Variants in STXBP5 observed in about 807,000 individuals in gnomAD.
STXBP5 encodes syntaxin binding protein 5, also known as syntaxin-binding protein 5.
Under a neutral mutation model 152.4 loss-of-function variants are expected in STXBP5, and 50 were observed. That is an observed-to-expected ratio of 0.33 (90% confidence interval 0.26 to 0.42). STXBP5 has a LOEUF of 0.42. Ranked by LOEUF, STXBP5 falls within the 10% of genes least tolerant of loss-of-function variation. The pLI, the probability that STXBP5 is intolerant of heterozygous loss-of-function variation, is 1.00. For synonymous variants in STXBP5, 492 were observed against 494.7 expected (o/e 0.99, Z 0.07); for missense variants, 1,167 against 1,388.6 (o/e 0.84, Z 2.54).
Position 147,278,082 on chromosome 6 carries a change from C to G in STXBP5, c.716C>G (p.Ala239Gly). The G allele has an allele frequency of 1.2e-6, 2 of 1,611,092 alleles. No homozygotes were observed. The highest frequency in any genetic ancestry group is 1.7e-6 in the Non-Finnish European group (2 of 1,177,978). ...ATGGTATTTTTCATCCTTCTATAGGCTATCCACTCTGTTGCTTGGCATCAT... is the reference window on the plus strand; with the variant it reads ...ATGGTATTTTTCATCCTTCTATAGGGTATCCACTCTGTTGCTTGGCATCAT... ...KADYRYTYDE[A>G]IHSVAWHHEG... Residue 239 changes from alanine to glycine, a missense_variant and splice_region_variant, in exon 8 of 28, where the codon GCT (alanine) becomes GGT (glycine). This residue lies in a region of STXBP5 where 310 missense variants were observed against 346.1 expected (regional missense o/e 0.90). Coordinates refer to ENST00000321680, the MANE Select transcript of STXBP5 (RefSeq NM_001127715.4).
At chr6:147,375,639 A>G (rs1030382545) in intron 26 of STXBP5, among the ~76,000 whole-genome samples, 1 of 150,686 alleles carries the variant, frequency 6.6e-6, no homozygotes, top group Non-Finnish European at 1.5e-5. Context: ...ATAAATATAT[A>G]TATAAAGAAA....
intron 3 of STXBP5, among the ~76,000 whole-genome samples, chr6:147,237,050 G>A (rs1778313010): frequency 6.6e-6 from 1 of 151,930 alleles, no homozygotes; most frequent in Non-Finnish European, 1.5e-5. Context: ...TGTTGGGATT[G>A]TAGGTGTGAG....
rs1786350922 is a variant in STXBP5 at position 147,386,608 on chromosome 6, AT to A, written c.*1854del. The A allele has an allele frequency of 6.6e-6, 1 of 151,868 alleles. No individual in the cohort carries two copies. Among genetic ancestry groups the A allele is most frequent in the African/African-American group, 2.4e-5 (1 of 41,432 alleles). 9.4% of individuals were successfully genotyped at this position (151,868 alleles called of 1,614,324 possible). On this transcript the variant is annotated 3_prime_UTR_variant, in exon 28 of 28. Coordinates refer to ENST00000321680, the MANE Select transcript of STXBP5 (RefSeq NM_001127715.4). ...TTTATAGAAAGCACCAATGAATAACATATTTCTGTTTCGTTAATGTCAGCTG... is the reference window on the plus strand; with the variant it reads ...TTTATAGAAAGCACCAATGAATAACAATTTCTGTTTCGTTAATGTCAGCTG...
chr6:147,377,232 AC>A (rs1194852325), intron 26 of STXBP5, among the ~76,000 whole-genome samples: 1 of 152,194 alleles, frequency 6.6e-6, no homozygotes, highest in African/African-American at 2.4e-5. Flanking sequence ...AAATATACTT[AC>A]CTTTGGATAA....
intron 2 of STXBP5, among the ~76,000 whole-genome samples, chr6:147,214,737 T>C (rs1293258362): frequency 3.3e-5 from 5 of 152,218 alleles, no homozygotes; most frequent in Non-Finnish European, 7.3e-5. Flanking sequence ...TAATATGGAA[T>C]GGCATTTTCT....
intron 9 of STXBP5, among the ~76,000 whole-genome samples, chr6:147,291,490 T>C (rs1210479990): frequency 1.3e-5 from 2 of 152,072 alleles, no homozygotes; most frequent in Non-Finnish European, 2.9e-5. Flanking sequence ...GAATAAGCAA[T>C]GAAGAAAAAA....
At chr6:147,314,383 T>A in intron 13 of STXBP5, 52 bp downstream of exon 13, 1 of 1,475,334 alleles carries the variant, frequency 6.8e-7, no homozygotes, top group Non-Finnish European at 9.5e-7. Context: ...TAAATATAAT[T>A]GATTGAGACT....
intron 7 of STXBP5, among the ~76,000 whole-genome samples, chr6:147,270,359 A>G (rs1331233571): frequency 1.4e-5 from 2 of 147,238 alleles, no homozygotes; most frequent in African/African-American, 5.0e-5. Context: ...AAATCACACC[A>G]CTGCACTCCA....
At chr6:147,335,766 A>C (rs1030174514) in intron 19 of STXBP5, among the ~76,000 whole-genome samples, 1 of 152,080 alleles carries the variant, frequency 6.6e-6, no homozygotes. Flanking sequence ...GCGCCACTGC[A>C]CTCCAGCCTG....
intron 1 of STXBP5, among the ~76,000 whole-genome samples, chr6:147,205,091 A>G (rs1776472767): frequency 2.6e-5 from 4 of 152,152 alleles, no homozygotes. Context: ...AACCTGTTCT[A>G]CCACACCTTT....
intron 4 of STXBP5, among the ~76,000 whole-genome samples, chr6:147,240,586 A>G (rs1778493902): frequency 6.6e-6 from 1 of 152,172 alleles, no homozygotes; most frequent in African/African-American, 2.4e-5. Flanking sequence ...GTCAAGTTTT[A>G]GTTTTTAATG....
chr6:147,242,687 A>G (rs1194707520), intron 4 of STXBP5, among the ~76,000 whole-genome samples: 2 of 152,210 alleles, frequency 1.3e-5, no homozygotes, highest in African/African-American at 2.4e-5. Context: ...CCAGGTTTGT[A>G]GCTTAGGAGC....
At chr6:147,262,460 A>C (rs1779689091) in intron 6 of STXBP5, 107 bp downstream of exon 6, 1 of 630,158 alleles carries the variant, frequency 1.6e-6, no homozygotes, top group Non-Finnish European at 2.7e-6. Flanking sequence ...ATTACCATTG[A>C]AGGTTGTGTA....
chr6:147,214,763 G>A (rs568366845), intron 2 of STXBP5, among the ~76,000 whole-genome samples: 5 of 152,084 alleles, frequency 3.3e-5, no homozygotes, highest in Admixed American at 1.3e-4. Context: ...AATAAACTAC[G>A]AAGAATGTTA....
intron 3 of STXBP5, among the ~76,000 whole-genome samples, chr6:147,237,077 G>A (rs555360031): frequency 6.6e-6 from 1 of 151,862 alleles, no homozygotes; most frequent in African/African-American, 2.4e-5. Flanking sequence ...CGCCTGACCT[G>A]TTCTTCATTT....
At chr6:147,333,051 T>A (rs996300414) in intron 18 of STXBP5, among the ~76,000 whole-genome samples, 2 of 152,126 alleles carry the variant, frequency 1.3e-5, no homozygotes, top group Non-Finnish European at 2.9e-5. Context: ...AAAACTGGAG[T>A]GTTATCACTA....
intron 26 of STXBP5, among the ~76,000 whole-genome samples, chr6:147,374,415 G>C (rs540480201): frequency 6.6e-6 from 1 of 151,598 alleles, no homozygotes; most frequent in Non-Finnish European, 1.5e-5. Flanking sequence ...ATGTTTGTTT[G>C]ACTAATGGAA....
chr6:147,271,884 G>T (rs192373064), intron 7 of STXBP5, among the ~76,000 whole-genome samples: 1 of 152,156 alleles, frequency 6.6e-6, no homozygotes, highest in East Asian at 1.9e-4. Flanking sequence ...AGTCAGAGTG[G>T]TGAGGAAAAA....
chr6:147,313,050 G>A (rs1232818457), intron 11 of STXBP5, among the ~76,000 whole-genome samples: 1 of 152,166 alleles, frequency 6.6e-6, no homozygotes, highest in East Asian at 1.9e-4. Flanking sequence ...TTGCCGTTTT[G>A]TCATTTTATG....
Sources: allele counts gnomAD v4.1 joint callset (sites outside exome capture counted in the v4.1 genomes callset), GRCh38; gene constraint gnomAD v4.1.1; regional missense constraint gnomAD v4.1.1; transcripts MANE v1.5; gene names NCBI Gene and HGNC (gene_info 2026-07-23, HGNC 2026-07-21).